CRB1: variants seen among roughly 807,000 people sequenced by gnomAD.
CRB1 encodes crumbs cell polarity complex component 1, also known as protein crumbs homolog 1.
A neutral mutation model predicts 120.0 loss-of-function variants in CRB1; 83 were observed. The observed-to-expected ratio is 0.69, with a 90% CI of 0.58 to 0.83. The LOEUF (loss-of-function observed/expected upper bound fraction) is 0.83. Among genes scored for constraint, CRB1 ranks in the 40% least tolerant of loss-of-function variants. The pLI is 0.00. For missense variants in CRB1, 1,699 were observed against 1,687.6 expected (o/e 1.01, Z -0.12); for synonymous variants, 625 against 612.5 (o/e 1.02, Z -0.30).
At chr1:197,453,951 TG>T (rs1666149313) in intron 11 of CRB1, among the ~76,000 whole-genome samples, 4 of 131,886 alleles carry the variant, frequency 3.0e-5, no homozygotes, top group African/African-American at 6.3e-5. Context: ...TATATATTAT[TG>T]ATATTATTAT....
chr1:197,310,159 T>A (rs1350572420), intron 1 of CRB1, among the ~76,000 whole-genome samples: 2 of 152,206 alleles, frequency 1.3e-5, no homozygotes, highest in African/African-American at 4.8e-5. Flanking sequence ...AAGAAGACAC[T>A]ACATTATTGA....
intron 8 of CRB1, among the ~76,000 whole-genome samples, chr1:197,431,069 AAAAAAT>A (rs565719386): frequency 9.9e-5 from 15 of 152,042 alleles, no homozygotes; most frequent in South Asian, 2.1e-4. Flanking sequence ...CTGTCTCAAA[AAAAAAT>A]AAAAATAAAA....
intron 11 of CRB1, among the ~76,000 whole-genome samples, chr1:197,446,051 A>C (rs1440055886): frequency 1.3e-5 from 2 of 152,168 alleles, no homozygotes; most frequent in African/African-American, 2.4e-5. Flanking sequence ...TTAGCTGGGC[A>C]TGGTGGCGCA....
At chr1:197,438,984 A>G (rs1353803153) in intron 10 of CRB1, 2 of 319,944 alleles carry the variant, frequency 6.3e-6, no homozygotes, top group Non-Finnish European at 6.0e-6. Context: ...ACTCTAATAC[A>G]TGATGCAAAT....
At position 197,452,624 on chromosome 1, in the gene CRB1, A is replaced by G. The variant is rs75174259; in HGVS notation, c.4005+10332A>G. On this transcript the variant is annotated intron_variant, in intron 11 of 11. Transcript: ENST00000367400. ...GGGGGAAATAAGATTTAGAAGGGCT[A>G]GTTACCTGCCCCAGGGCCACACAAC... Among the ~76,000 whole-genome samples, 1,220 of 152,296 alleles carry G rather than the reference A, an allele frequency of 8.0e-3. 17 individuals are homozygous for G. Among genetic ancestry groups the G allele is most frequent in the African/African-American group, 0.027 (1,135 of 41,572 alleles).
At chr1:197,316,753 C>A (rs528248066) in intron 1 of CRB1, among the ~76,000 whole-genome samples, 34 of 151,922 alleles carry the variant, frequency 2.2e-4, no homozygotes, top group African/African-American at 8.0e-4. Flanking sequence ...ATGGAGAACA[C>A]CCCAATGACT....
At chr1:197,222,159 T>A in the CRB1 span, 2 of 402,130 alleles carry the variant, frequency 5.0e-6, no homozygotes, top group Non-Finnish European at 9.5e-6. Flanking sequence ...CACACCGCAG[T>A]GCTTGCCTGT....
intron 11 of CRB1, among the ~76,000 whole-genome samples, chr1:197,459,859 C>T (rs1571610645): frequency 6.6e-6 from 1 of 152,136 alleles, no homozygotes; most frequent in South Asian, 2.1e-4. Flanking sequence ...GAAAGTTTTT[C>T]CTGAGCAGAT....
chr1:197,400,915 A>G (rs1378018174), intron 5 of CRB1, among the ~76,000 whole-genome samples: 2 of 152,160 alleles, frequency 1.3e-5, no homozygotes, highest in African/African-American at 2.4e-5. Context: ...ATACTTTAGT[A>G]TATCTATTCT....
chr1:197,436,297 A>T (rs775811175), intron 9 of CRB1, among the ~76,000 whole-genome samples: 2 of 152,132 alleles, frequency 1.3e-5, no homozygotes, highest in Admixed American at 6.6e-5. Context: ...TTTACTATTC[A>T]TTAGTGGAAA....
At chr1:197,281,483 A>G (rs1655516958) in intron 1 of CRB1, among the ~76,000 whole-genome samples, 2 of 151,750 alleles carry the variant, frequency 1.3e-5, no homozygotes, top group Non-Finnish European at 2.9e-5. Flanking sequence ...CCTACTCTTC[A>G]CGTGTTGGGA....
intron 5 of CRB1, among the ~76,000 whole-genome samples, chr1:197,387,907 T>A (rs571800163): frequency 2.0e-5 from 3 of 152,044 alleles, no homozygotes; most frequent in African/African-American, 7.2e-5. Flanking sequence ...TGAAATTGTA[T>A]CTTCTTTTTT....
intron 5 of CRB1, among the ~76,000 whole-genome samples, chr1:197,380,682 GC>G (rs1661908395): frequency 6.6e-6 from 1 of 152,124 alleles, no homozygotes; most frequent in African/African-American, 2.4e-5. Flanking sequence ...ATTTTGTAAA[GC>G]CCCCAAAAGG....
intron 11 of CRB1, among the ~76,000 whole-genome samples, chr1:197,456,343 G>A (rs1348372399): frequency 6.6e-6 from 1 of 151,990 alleles, no homozygotes; most frequent in Non-Finnish European, 1.5e-5. Flanking sequence ...TAATGAATGA[G>A]GTATTTTTGA....
At chr1:197,281,878 C>T (rs1422043642) in intron 1 of CRB1, among the ~76,000 whole-genome samples, 1 of 151,614 alleles carries the variant, frequency 6.6e-6, no homozygotes, top group Non-Finnish European at 1.5e-5. Context: ...ATTGGAGGGA[C>T]TTTCAGGTGA....
At chr1:197,428,996 C>T (rs1664737450) in intron 7 of CRB1, 1 of 1,528,808 alleles carries the variant, frequency 6.5e-7, no homozygotes, top group Non-Finnish European at 8.8e-7. Context: ...GTGGGAAGGG[C>T]ACTCACTGAG....
At chr1:197,398,091 G>A (rs1662863785) in intron 5 of CRB1, among the ~76,000 whole-genome samples, 1 of 152,042 alleles carries the variant, frequency 6.6e-6, no homozygotes, top group Admixed American at 6.6e-5. Flanking sequence ...TTTTGTTAAG[G>A]TCAGCAAAAA....
At chr1:197,245,770 T>A in the CRB1 span, among the ~76,000 whole-genome samples, 115 of 152,202 alleles carry the variant, frequency 7.6e-4, no homozygotes, top group Non-Finnish European at 1.4e-3. Flanking sequence ...AAGGGATGGA[T>A]GTTCCTTGCT....
chr1:197,387,262 T>C (rs550358631), intron 5 of CRB1, among the ~76,000 whole-genome samples: 113 of 152,160 alleles, frequency 7.4e-4, no homozygotes, highest in African/African-American at 2.6e-3. Flanking sequence ...GTCTGGAGTA[T>C]TTTGGCAAAT....
Sources: gnomAD v4.1 joint callset for allele counts (sites outside exome capture counted in the v4.1 genomes callset) on GRCh38, gnomAD v4.1.1 for gene constraint, MANE v1.5 for transcripts, NCBI Gene and HGNC (gene_info 2026-07-23, HGNC 2026-07-21) for gene names.